Variants in CTNND1 observed in about 807,000 individuals in gnomAD.
CTNND1 encodes catenin delta-1.
A neutral mutation model predicts 112.1 loss-of-function variants in CTNND1; 16 were observed. The ratio of observed to expected loss-of-function variants is 0.14; its 90% CI spans 0.10 to 0.22. The LOEUF (loss-of-function observed/expected upper bound fraction) is 0.22. CTNND1 is among the 10% of genes least tolerant of loss of function. The pLI is 1.00. For synonymous variants in CTNND1, 420 were observed against 446.5 expected (o/e 0.94, Z 0.75); for missense variants, 1,008 against 1,257.0 (o/e 0.80, Z 3.00).
intron 2 of CTNND1, among the ~76,000 whole-genome samples, chr11:57,789,678 C>CA (rs962000960): frequency 1.5e-3 from 215 of 146,528 alleles, no homozygotes; most frequent in African/African-American, 3.9e-3. Flanking sequence ...AAAAGAATTG[C>CA]AAAAAAAAAA....
At chr11:57,770,105 G>A (rs1403417632) in intron 1 of CTNND1, among the ~76,000 whole-genome samples, 1 of 152,076 alleles carries the variant, frequency 6.6e-6, no homozygotes, top group Non-Finnish European at 1.5e-5. Context: ...GAAGGCAGGT[G>A]GTTCACCTGA....
At position 57,815,512 on chromosome 11, in the gene CTNND1, T is replaced by G. The variant is rs2063851313; in HGVS notation, c.2808+12T>G. 1 of 1,569,008 alleles carries G rather than the reference T, an allele frequency of 6.4e-7. No individual in the cohort carries two copies. The highest frequency in any genetic ancestry group is 1.4e-5 in the African/African-American group (1 of 73,836). On this transcript the variant is annotated intron_variant, in intron 19 of 20. Coordinates refer to ENST00000399050, the MANE Select transcript of CTNND1 (RefSeq NM_001085458.2). ...CAACACCCTTGATGGTAAATTCTCTTTATATACTGCTATCTGTCTAAGGCT... is the reference window on the plus strand; with the variant it reads ...CAACACCCTTGATGGTAAATTCTCTGTATATACTGCTATCTGTCTAAGGCT...
At position 57,801,926 on chromosome 11, in the gene CTNND1, T is replaced by A; in HGVS notation, c.1150T>A (p.Ser384Thr). 6.2e-7 allele frequency: 1 copy of A among 1,613,968 alleles called. No homozygotes were observed. Among genetic ancestry groups the A allele is most frequent in the Non-Finnish European group, 8.5e-7 (1 of 1,179,896 alleles). Reference protein sequence around the residue: ...MLGFRLDAVKSNAAAYLQHLC... With the variant: ...MLGFRLDAVKTNAAAYLQHLC... ...TGGATTCCGCTTGGATGCTGTCAAG[T>A]CCAATGCAGCTGCATACCTGCAACA... Residue 384 changes from serine (S) to threonine (T), a missense_variant, in exon 7 of 21, where the codon TCC (serine) becomes ACC (threonine). By Grantham distance (58) the Ser-to-Thr change is moderately conservative (BLOSUM62 1). Around this residue, in one of 5 missense-constraint regions of CTNND1, gnomAD observed 216 missense variants for 342.8 expected, o/e 0.63. Coordinates refer to ENST00000399050, the MANE Select transcript of CTNND1 (RefSeq NM_001085458.2).
chr11:57,768,324 A>C (rs140406653), intron 1 of CTNND1, among the ~76,000 whole-genome samples: 188 of 151,212 alleles, frequency 1.2e-3, no homozygotes, highest in African/African-American at 4.2e-3. Flanking sequence ...TAACTTTAGT[A>C]AAGTGAAGTG....
chr11:57,787,893 T>C (rs2060299559), intron 1 of CTNND1, among the ~76,000 whole-genome samples: 1 of 152,248 alleles, frequency 6.6e-6, no homozygotes, highest in Non-Finnish European at 1.5e-5. Context: ...CCTAGAGCCC[T>C]GAGTATTTTT....
intron 1 of CTNND1, among the ~76,000 whole-genome samples, chr11:57,785,240 TTACTGG>T (rs1412808035): frequency 1.3e-5 from 2 of 152,212 alleles, no homozygotes; most frequent in African/African-American, 4.8e-5. Context: ...AGTAACAATA[TTACTGG>T]CTTTCTGTGC....
In CTNND1 at chr11:57,794,078, C is replaced by T; in HGVS notation, c.264C>T (p.Pro88=). The change falls in exon 4 of 21, where the codon CCC becomes CCT. Residue 88 remains proline (P), a synonymous_variant. Coordinates refer to ENST00000399050, the MANE Select transcript of CTNND1 (RefSeq NM_001085458.2). ...QKFSDLKLNG[P]QDHSHLLYST... ...TTTCAGATTTGAAACTCAACGGACC[C>T]CAGGTAATTCTTTGGCTCAAGACCT... The T allele has an allele frequency of 1.2e-6, 2 of 1,613,880 alleles. No homozygotes were observed. Among genetic ancestry groups the T allele is most frequent in the South Asian group, 2.2e-5 (2 of 91,084 alleles).
intron 3 of CTNND1, among the ~76,000 whole-genome samples, chr11:57,792,762 C>T (rs545188727): frequency 5.8e-4 from 88 of 152,016 alleles, no homozygotes; most frequent in African/African-American, 2.1e-3. Context: ...ATCTCTTGAC[C>T]TCGTGATCCA....
intron 1 of CTNND1, among the ~76,000 whole-genome samples, chr11:57,767,019 T>G (rs551578553): frequency 1.3e-5 from 2 of 151,962 alleles, no homozygotes; most frequent in East Asian, 1.9e-4. Flanking sequence ...TTGTCCAGGC[T>G]GGAGTGCAGT....
At position 57,819,081 on chromosome 11, in the gene CTNND1, T is replaced by G. The variant is rs1308887109; in HGVS notation, c.*2773T>G. On this transcript the variant is annotated 3_prime_UTR_variant, in exon 21 of 21. Transcript: ENST00000399050. Reference sequence around the variant, plus strand: ...TGGGAAGATACTTATTTTTCTGAGGTCCTTATGTCCTGTCATATAATTAAA... The same window carrying G: ...TGGGAAGATACTTATTTTTCTGAGGGCCTTATGTCCTGTCATATAATTAAA... 1 of 152,180 alleles carries G rather than the reference T, an allele frequency of 6.6e-6. No homozygotes were observed. The highest frequency in any genetic ancestry group is 1.5e-5 in the Non-Finnish European group (1 of 68,030). 9.4% of individuals were successfully genotyped at this position (152,180 alleles called of 1,614,324 possible). A position where few individuals can be genotyped will look rare whatever the true frequency, so the allele number is the denominator to read the frequency against.
At chr11:57,815,878 G>A in intron 19 of CTNND1, 37 bp from the exon 20 acceptor site, 1 of 1,557,852 alleles carries the variant, frequency 6.4e-7, no homozygotes, top group Non-Finnish European at 8.8e-7. Flanking sequence ...TGAGGTTCCT[G>A]TCTCTACTCA....
At chr11:57,764,155 T>C (rs1016154720) in intron 1 of CTNND1, 1 of 152,172 alleles carries the variant, frequency 6.6e-6, no homozygotes, top group African/African-American at 2.4e-5. Context: ...TGTTCAGATA[T>C]TTCTTTCCTT....
chr11:57,812,958 C>T (rs1210571106), intron 17 of CTNND1, among the ~76,000 whole-genome samples: 1 of 152,212 alleles, frequency 6.6e-6, no homozygotes, highest in Non-Finnish European at 1.5e-5. Flanking sequence ...GTGTTTGCTG[C>T]CTGAGCTTTC....
chr11:57,763,910 A>G (rs1950446998), intron 1 of CTNND1: 1 of 152,194 alleles, frequency 6.6e-6, no homozygotes, highest in African/African-American at 2.4e-5. Context: ...TGAAGTGAGC[A>G]TCCTAGTTAA....
chr11:57,799,906 A>G (rs182294204), intron 6 of CTNND1, among the ~76,000 whole-genome samples: 8 of 151,396 alleles, frequency 5.3e-5, no homozygotes, highest in African/African-American at 1.2e-4. Context: ...TTTTCCCTCT[A>G]CTAAAATGGA....
At position 57,788,823 on chromosome 11, in the gene CTNND1, A is replaced by C. The variant is rs2060399428; in HGVS notation, c.-213-214A>C. Among the ~76,000 whole-genome samples the C allele has an allele frequency of 6.6e-6, 1 of 152,228 alleles. No individual in the cohort carries two copies. The highest frequency in any genetic ancestry group is 2.1e-4 in the South Asian group (1 of 4,834). On this transcript the variant is annotated intron_variant, in intron 1 of 20. Transcript: ENST00000399050. This position sits in a 1 kb window ranked among gnomAD's most constrained non-coding sequence, Gnocchi z 4.1. ...ACAAATAGAGGAGCTCTCACTTGACAGTAGAATCCAGGTTTTAATGAAAAT... is the reference window on the plus strand; with the variant it reads ...ACAAATAGAGGAGCTCTCACTTGACCGTAGAATCCAGGTTTTAATGAAAAT...
In CTNND1 at chr11:57,811,505, A is replaced by G. The variant is rs1291936928; in HGVS notation, c.2638+19A>G. On this transcript the variant is annotated intron_variant, in intron 17 of 20. Coordinates refer to ENST00000399050, the MANE Select transcript of CTNND1 (RefSeq NM_001085458.2). ...AAATCAGGTGCAGTATCCAGAAGGCACACCCTCTCCTTTTAGCCACTCTTG... is the reference window on the plus strand; with the variant it reads ...AAATCAGGTGCAGTATCCAGAAGGCGCACCCTCTCCTTTTAGCCACTCTTG... The G allele has an allele frequency of 6.4e-7, 1 of 1,559,068 alleles. No homozygotes were observed. The highest frequency in any genetic ancestry group is 1.1e-5 in the South Asian group (1 of 89,294).
At chr11:57,789,222 C>T in intron 2 of CTNND1, 67 bp downstream of exon 2, 2 of 1,120,312 alleles carry the variant, frequency 1.8e-6, no homozygotes. Flanking sequence ...TATTTTTATT[C>T]CTTTCATGTC....
Position 57,810,220 on chromosome 11 carries a change from T to C in CTNND1, c.2547T>C (p.Phe849=). The change falls in exon 16 of 21, where the codon TTT becomes TTC. Residue 849 remains phenylalanine (F), a synonymous_variant. Transcript: ENST00000399050. Reference sequence around the variant, plus strand: ...AAGAAGGATGGAAGAAATCAGACTTTCAGGTATAGTAACTTTTGAGACCAA... The same window carrying C: ...AAGAAGGATGGAAGAAATCAGACTTCCAGGTATAGTAACTTTTGAGACCAA... ...LEKEGWKKSD[F]QVNLNNASRS... 2 of 1,603,086 alleles carry C rather than the reference T, an allele frequency of 1.2e-6. No individual in the cohort carries two copies. The highest frequency in any genetic ancestry group is 1.7e-6 in the Non-Finnish European group (2 of 1,175,186).
Sources: allele counts gnomAD v4.1 joint callset (sites outside exome capture counted in the v4.1 genomes callset), GRCh38; gene constraint gnomAD v4.1.1; regional missense constraint gnomAD v4.1.1; non-coding constraint Gnocchi (gnomAD v3.1); transcripts MANE v1.5; gene names NCBI Gene and HGNC (gene_info 2026-07-23, HGNC 2026-07-21).